TARS3: variants seen among roughly 807,000 people sequenced by gnomAD.
TARS3 encodes threonine--tRNA ligase 2, cytoplasmic.
Under a neutral mutation model 103.5 loss-of-function variants are expected in TARS3, and 94 were observed. That is an observed-to-expected ratio of 0.91 (90% CI 0.77 to 1.08). The LOEUF (loss-of-function observed/expected upper bound fraction) is 1.08, where lower values mean the gene tolerates loss of function less well. Ranked by LOEUF, TARS3 falls within the 50% of genes least tolerant of loss-of-function variation. The pLI is 0.00. For synonymous variants in TARS3, 416 were observed against 355.4 expected (o/e 1.17, Z -1.92); for missense variants, 952 against 995.2 (o/e 0.96, Z 0.58).
intron 6 of TARS3, among the ~76,000 whole-genome samples, chr15:101,708,269 A>C (rs866549181): frequency 6.6e-6 from 1 of 150,584 alleles, no homozygotes; most frequent in Non-Finnish European, 1.5e-5. Context: ...AAAAAAAAAA[A>C]AAAAAAAAAA....
chr15:101,681,480 G>A (rs1025796339), intron 12 of TARS3, among the ~76,000 whole-genome samples: 3 of 152,174 alleles, frequency 2.0e-5, no homozygotes, highest in African/African-American at 7.2e-5. Flanking sequence ...TCACTGTATA[G>A]GTTGTGTATG....
At chr15:101,699,074 T>C (rs1899124551) in intron 10 of TARS3, among the ~76,000 whole-genome samples, 2 of 152,152 alleles carry the variant, frequency 1.3e-5, no homozygotes, top group African/African-American at 4.8e-5. Flanking sequence ...GTGGGAGATA[T>C]CATCTAGAGC....
At chr15:101,674,444 A>T (rs1897939270) in intron 13 of TARS3, among the ~76,000 whole-genome samples, 1 of 152,238 alleles carries the variant, frequency 6.6e-6, no homozygotes, top group Non-Finnish European at 1.5e-5. Flanking sequence ...TGAATTAGTG[A>T]AGAAGGAACA....
intron 16 of TARS3, among the ~76,000 whole-genome samples, chr15:101,661,429 AAC>A (rs1243272437): frequency 7.3e-5 from 11 of 151,302 alleles, no homozygotes; most frequent in African/African-American, 2.7e-4. Flanking sequence ...GTAAAAAGAT[AAC>A]TTTAATTCTA....
intron 16 of TARS3, among the ~76,000 whole-genome samples, chr15:101,659,514 G>C (rs1897302028): frequency 6.6e-6 from 1 of 152,130 alleles, no homozygotes; most frequent in Non-Finnish European, 1.5e-5. Flanking sequence ...CTGAAGTCTG[G>C]ATGTATGAAG....
intron 13 of TARS3, 108 bp downstream of exon 13, chr15:101,675,492 G>T: frequency 9.0e-7 from 1 of 1,112,706 alleles, no homozygotes; most frequent in Non-Finnish European, 1.3e-6. Flanking sequence ...TAATTTCCAG[G>T]TTCAAAATTT....
intron 6 of TARS3, among the ~76,000 whole-genome samples, chr15:101,708,529 T>C (rs1899694667): frequency 6.6e-6 from 1 of 152,182 alleles, no homozygotes; most frequent in Non-Finnish European, 1.5e-5. Flanking sequence ...ATATTCACAA[T>C]ACTCAGAATT....
Position 101,716,145 on chromosome 15 carries a change from T to A in TARS3, c.567-1182A>T, listed in dbSNP as rs772585212. 5.3e-5 allele frequency among the ~76,000 whole-genome samples: 8 copies of A among 152,190 alleles called. No individual in the cohort carries two copies. In the East Asian group the frequency reaches 1.4e-3, roughly 26 times the overall value. On this transcript the variant is annotated intron_variant, in intron 3 of 18. Coordinates refer to ENST00000335968, the MANE Select transcript of TARS3 (RefSeq NM_152334.3). ...GATTCTCCTGCCTCGGCCTCCCGAG[T>A]AGCTGGGAATACAGGCGCAGGCCAC...
intron 17 of TARS3, 79 bp from the exon 18 acceptor site, chr15:101,657,115 G>T: frequency 1.1e-6 from 1 of 898,344 alleles, no homozygotes; most frequent in Non-Finnish European, 1.8e-6. Flanking sequence ...CCCACTCTTG[G>T]TATTCACACC....
intron 10 of TARS3, among the ~76,000 whole-genome samples, chr15:101,692,203 T>C (rs1269102107): frequency 6.6e-6 from 1 of 152,218 alleles, no homozygotes; most frequent in Admixed American, 6.5e-5. Context: ...CTCCCTGCTG[T>C]GGGTTTACTC....
intron 3 of TARS3, among the ~76,000 whole-genome samples, chr15:101,718,370 G>A (rs1472116247): frequency 6.6e-6 from 1 of 152,020 alleles, no homozygotes; most frequent in Non-Finnish European, 1.5e-5. Context: ...GGTATACCCT[G>A]GGTAACTCTT....
intron 15 of TARS3, among the ~76,000 whole-genome samples, chr15:101,666,931 T>TTAC (rs1423768360): frequency 2.0e-5 from 3 of 152,190 alleles, no homozygotes; most frequent in Non-Finnish European, 4.4e-5. Flanking sequence ...TGGCATGTAG[T>TTAC]GTGTAGTATG....
At chr15:101,691,176 T>C (rs975682398) in intron 10 of TARS3, among the ~76,000 whole-genome samples, 10 of 151,960 alleles carry the variant, frequency 6.6e-5, no homozygotes, top group Non-Finnish European at 1.5e-4. Flanking sequence ...CCTGACCTCA[T>C]GATCCACCCG....
At chr15:101,667,338 A>G (rs988359257) in intron 15 of TARS3, among the ~76,000 whole-genome samples, 1 of 152,212 alleles carries the variant, frequency 6.6e-6, no homozygotes, top group African/African-American at 2.4e-5. Context: ...TTAGCTCCTA[A>G]TAAGAGGGTG....
chr15:101,693,334 G>A (rs1012199861), intron 10 of TARS3, among the ~76,000 whole-genome samples: 1 of 152,094 alleles, frequency 6.6e-6, no homozygotes, highest in Non-Finnish European at 1.5e-5. Context: ...CAGCAGGCAA[G>A]GGACTTTGTG....
Position 101,657,157 on chromosome 15 carries a change from C to T in TARS3, c.2146-121G>A, listed in dbSNP as rs79652790. ...TAGTTCCCTGCTCACTATACCAGAG[C>T]GGGTCTGCGTGACCATAAAGAAGTG... On this transcript the variant is annotated intron_variant, in intron 17 of 18. Coordinates refer to ENST00000335968, the MANE Select transcript of TARS3 (RefSeq NM_152334.3). 1.3e-3 allele frequency: 815 copies of T among 619,526 alleles called. 8 individuals carry two copies. Among genetic ancestry groups the T allele is most frequent in the African/African-American group, 0.013 (673 of 53,732 alleles). The allele number at this position is 619,526 out of a possible 1,614,324, so 38.4% of individuals were successfully genotyped here. A position where few individuals can be genotyped will look rare whatever the true frequency, so the allele number is the denominator to read the frequency against.
At chr15:101,715,552 T>A (rs1027439889) in intron 3 of TARS3, among the ~76,000 whole-genome samples, 1 of 152,222 alleles carries the variant, frequency 6.6e-6, no homozygotes, top group Non-Finnish European at 1.5e-5. Context: ...TTGGTACATT[T>A]CTATCCAGTG....
At chr15:101,684,333 A>G in intron 11 of TARS3, 96 bp from the exon 12 acceptor site, 2 of 1,210,560 alleles carry the variant, frequency 1.7e-6, no homozygotes, top group East Asian at 2.7e-5. Flanking sequence ...CTCAAGATTC[A>G]TAAACTCCTT....
chr15:101,690,002 G>A (rs1898641755), intron 10 of TARS3, among the ~76,000 whole-genome samples: 2 of 152,160 alleles, frequency 1.3e-5, no homozygotes, highest in African/African-American at 4.8e-5. Flanking sequence ...TACATGAAGG[G>A]CACTCATGGT....
Sources: gnomAD v4.1 joint callset for allele counts (sites outside exome capture counted in the v4.1 genomes callset) on GRCh38, gnomAD v4.1.1 for gene constraint, MANE v1.5 for transcripts, NCBI Gene and HGNC (gene_info 2026-07-23, HGNC 2026-07-21) for gene names.